Variants in GRID2 observed in about 807,000 individuals in gnomAD.
GRID2 encodes glutamate ionotropic receptor delta type subunit 2, also known as glutamate receptor ionotropic, delta-2.
A neutral mutation model predicts 114.8 loss-of-function variants in GRID2; 33 were observed. That is an observed-to-expected ratio of 0.29 (90% confidence interval 0.22 to 0.38). The LOEUF is 0.38. GRID2 is among the 10% of genes least tolerant of loss of function. The pLI is 1.00. For synonymous variants in GRID2, 505 were observed against 449.9 expected (o/e 1.12, Z -1.55); for missense variants, 1,184 against 1,257.7 (o/e 0.94, Z 0.89).
At chr4:93,772,041 G>T in intron 15 of GRID2, 35 bp from the exon 16 acceptor site, 1 of 1,341,018 alleles carries the variant, frequency 7.5e-7, no homozygotes, top group Non-Finnish European at 1.1e-6. Flanking sequence ...AGCTAGTACT[G>T]ATGAGAACCT....
chr4:92,438,921 C>T (rs1018568360), intron 1 of GRID2, among the ~76,000 whole-genome samples: 2 of 152,064 alleles, frequency 1.3e-5, no homozygotes, highest in Admixed American at 6.6e-5. Context: ...TACAGTATAT[C>T]CTGCCTTCTC....
chr4:92,946,848 G>T (rs1175839067), intron 2 of GRID2, among the ~76,000 whole-genome samples: 1 of 152,012 alleles, frequency 6.6e-6, no homozygotes, highest in Non-Finnish European at 1.5e-5. Context: ...TGAAAGCCAA[G>T]AATTTCCATT....
intron 10 of GRID2, among the ~76,000 whole-genome samples, chr4:93,450,208 A>G (rs1047166859): frequency 5.3e-5 from 8 of 152,000 alleles, no homozygotes; most frequent in Admixed American, 2.0e-4. Context: ...AAAAAGTTTG[A>G]AAGCTTGTCA....
chr4:92,475,040 A>G (rs1338237938), intron 1 of GRID2, among the ~76,000 whole-genome samples: 2 of 150,050 alleles, frequency 1.3e-5, no homozygotes, highest in African/African-American at 4.9e-5. Context: ...TAATGGGTGC[A>G]GCACACCAGC....
intron 2 of GRID2, among the ~76,000 whole-genome samples, chr4:92,658,163 G>A (rs923455008): frequency 5.9e-5 from 9 of 151,504 alleles, no homozygotes; most frequent in African/African-American, 1.9e-4. Flanking sequence ...TATTTATAAG[G>A]CATATCATGA....
chr4:92,601,665 C>T (rs1348406501), intron 2 of GRID2, among the ~76,000 whole-genome samples: 1 of 151,822 alleles, frequency 6.6e-6, no homozygotes, highest in Non-Finnish European at 1.5e-5. Flanking sequence ...TAACATAAAA[C>T]AAGAAATAAC....
intron 14 of GRID2, among the ~76,000 whole-genome samples, chr4:93,627,783 C>A (rs1042839591): frequency 1.8e-4 from 27 of 152,230 alleles, no homozygotes; most frequent in African/African-American, 6.5e-4. Context: ...TATGTTCCAT[C>A]TGCCCACAGA....
intron 2 of GRID2, among the ~76,000 whole-genome samples, chr4:92,944,868 A>T (rs1751500878): frequency 6.6e-6 from 1 of 152,154 alleles, no homozygotes; most frequent in South Asian, 2.1e-4. Flanking sequence ...GGCAAACCTT[A>T]TATATTTTAA....
At chr4:93,549,578 A>G (rs976455080) in intron 13 of GRID2, among the ~76,000 whole-genome samples, 1 of 151,954 alleles carries the variant, frequency 6.6e-6, no homozygotes, top group Non-Finnish European at 1.5e-5. Context: ...GACTTTAAAT[A>G]TAAGTGTCCA....
At chr4:92,731,080 A>T (rs1032381731) in intron 2 of GRID2, among the ~76,000 whole-genome samples, 1 of 151,934 alleles carries the variant, frequency 6.6e-6, no homozygotes, top group African/African-American at 2.4e-5. Flanking sequence ...TGGATGTCTT[A>T]GCTTTACTCT....
chr4:93,017,724 G>C (rs1447448674), intron 2 of GRID2, among the ~76,000 whole-genome samples: 1 of 150,808 alleles, frequency 6.6e-6, no homozygotes, highest in East Asian at 1.9e-4. Flanking sequence ...GAACCCAGAA[G>C]GTGGAGGTTG....
chr4:93,195,114 A>G (rs948648166), intron 4 of GRID2, among the ~76,000 whole-genome samples: 47 of 152,158 alleles, frequency 3.1e-4, no homozygotes, highest in Admixed American at 1.0e-3. Flanking sequence ...TCTTACAAGT[A>G]TCTTTATTTT....
At chr4:93,310,028 G>A (rs1015588826) in intron 8 of GRID2, among the ~76,000 whole-genome samples, 1 of 152,012 alleles carries the variant, frequency 6.6e-6, no homozygotes, top group African/African-American at 2.4e-5. Flanking sequence ...TCTTCTTCTG[G>A]CTCCCCTGAT....
At chr4:92,743,623 G>T (rs1241185988) in intron 2 of GRID2, among the ~76,000 whole-genome samples, 1 of 152,070 alleles carries the variant, frequency 6.6e-6, no homozygotes, top group Admixed American at 6.6e-5. Flanking sequence ...TAAAGAAACT[G>T]CTCATCAAAT....
At chr4:92,578,398 T>C (rs1728010669) in intron 1 of GRID2, among the ~76,000 whole-genome samples, 1 of 151,046 alleles carries the variant, frequency 6.6e-6, no homozygotes, top group Admixed American at 6.6e-5. Context: ...GATAGTTTAC[T>C]GAGAATGATG....
intron 13 of GRID2, among the ~76,000 whole-genome samples, chr4:93,529,013 A>G (rs1482240646): frequency 6.6e-6 from 1 of 152,174 alleles, no homozygotes; most frequent in Admixed American, 6.6e-5. Context: ...GTCAATATTT[A>G]TATCTGCAGC....
intron 4 of GRID2, among the ~76,000 whole-genome samples, chr4:93,139,121 G>T (rs1735531366): frequency 6.6e-6 from 1 of 152,202 alleles, no homozygotes; most frequent in African/African-American, 2.4e-5. Context: ...CAGTGAATCT[G>T]TTTACAAAAG....
rs533232223 is a variant in GRID2 at position 93,468,816 on chromosome 4, C to G, written c.1858+12842C>G. 1.6e-4 allele frequency among the ~76,000 whole-genome samples: 25 copies of G among 152,088 alleles called. 1 individual carries two copies. The South Asian group carries it at 5.0e-3, about 30-fold the overall frequency. On this transcript the variant is annotated intron_variant, in intron 11 of 15. Transcript: ENST00000282020. ...GAGGCATTGACAAACTTTTCTAGAG[C>G]TATTCTATTTTCCACATCTGGCATA...
intron 11 of GRID2, among the ~76,000 whole-genome samples, chr4:93,473,277 T>C (rs1725018425): frequency 6.6e-6 from 1 of 152,184 alleles, no homozygotes; most frequent in Non-Finnish European, 1.5e-5. Flanking sequence ...GAAATTATCC[T>C]AGATATGCAG....
Sources: gnomAD v4.1 joint callset for allele counts (sites outside exome capture counted in the v4.1 genomes callset) on GRCh38, gnomAD v4.1.1 for gene constraint, MANE v1.5 for transcripts, NCBI Gene and HGNC (gene_info 2026-07-23, HGNC 2026-07-21) for gene names.